The following MBD5 variants were observed in gnomAD, a reference collection of about 807,000 sequenced individuals.
MBD5 encodes methyl-CpG binding domain protein 5.
MBD5 carries 13 observed loss-of-function variants against 117.3 expected under a neutral mutation model. That is an observed-to-expected ratio of 0.11 (90% CI 0.07 to 0.18). The LOEUF (loss-of-function observed/expected upper bound fraction) is 0.18. MBD5 is among the 10% of genes least tolerant of loss of function. The pLI is 1.00. For missense variants in MBD5, 1,879 were observed against 2,093.8 expected (o/e 0.90, Z 2.00); for synonymous variants, 727 against 766.4 (o/e 0.95, Z 0.85).
intron 1 of MBD5, among the ~76,000 whole-genome samples, chr2:148,050,926 A>C (rs758965792): frequency 6.6e-6 from 1 of 152,128 alleles, no homozygotes; most frequent in Non-Finnish European, 1.5e-5. Flanking sequence ...TATGAATTTT[A>C]AAATCAGCTT....
chr2:148,388,954 A>G (rs1001029720), intron 4 of MBD5, among the ~76,000 whole-genome samples: 4 of 151,662 alleles, frequency 2.6e-5, no homozygotes, highest in African/African-American at 9.7e-5. Context: ...ATAGTACCCA[A>G]TAGGTAGTTT....
intron 4 of MBD5, among the ~76,000 whole-genome samples, chr2:148,426,971 C>T (rs1483410863): frequency 6.6e-6 from 1 of 152,006 alleles, no homozygotes; most frequent in Non-Finnish European, 1.5e-5. Flanking sequence ...AACAAACAAC[C>T]CCATCAAAAA....
Position 148,469,599 on chromosome 2 carries a change from G to T in MBD5, c.1656G>T (p.Lys552Asn), listed in dbSNP as rs1484379317. The T allele has an allele frequency of 1.2e-6, 2 of 1,613,778 alleles. No individual in the cohort carries two copies. The highest frequency in any genetic ancestry group is 1.7e-6 in the Non-Finnish European group (2 of 1,179,920). Residue 552 changes from lysine to asparagine, a missense_variant, in exon 8 of 14, where the codon AAG (lysine) becomes AAT (asparagine). Transcript: ENST00000642680. ...CATCTGCCGGAAGTAGTTCTGTAAA[G>T]AGTCAGCCTGGTTTGCTGGGAATGC... ...PTASAGSSSV[K>N]SQPGLLGMPL...
At chr2:148,292,335 C>T (rs1701519326) in intron 3 of MBD5, among the ~76,000 whole-genome samples, 1 of 152,158 alleles carries the variant, frequency 6.6e-6, no homozygotes, top group Non-Finnish European at 1.5e-5. Context: ...GGATTAATAA[C>T]CAGAATATGT....
chr2:148,174,319 A>G (rs543568345), intron 1 of MBD5, among the ~76,000 whole-genome samples: 327 of 152,338 alleles, frequency 2.1e-3, no homozygotes, highest in African/African-American at 7.5e-3. Flanking sequence ...TGGATTAAAG[A>G]CTTAAATGTT....
At chr2:148,475,809 A>T (rs1680945275) in intron 8 of MBD5, among the ~76,000 whole-genome samples, 1 of 152,176 alleles carries the variant, frequency 6.6e-6, no homozygotes, top group Non-Finnish European at 1.5e-5. Context: ...ATGCTAAAAA[A>T]TATTCCTATG....
At chr2:148,511,547 A>G (rs183368361) in intron 13 of MBD5, among the ~76,000 whole-genome samples, 33 of 152,368 alleles carry the variant, frequency 2.2e-4, no homozygotes, top group South Asian at 2.1e-4. Flanking sequence ...TCCATTTTTC[A>G]TATAAAACTA....
chr2:148,049,498 C>T (rs1339683479), intron 1 of MBD5, among the ~76,000 whole-genome samples: 2 of 152,154 alleles, frequency 1.3e-5, no homozygotes, highest in Admixed American at 6.5e-5. Context: ...TTACCTAGTA[C>T]TGTAGTACTT....
chr2:148,308,426 C>T (rs1701946328), intron 3 of MBD5, among the ~76,000 whole-genome samples: 1 of 147,908 alleles, frequency 6.8e-6, no homozygotes, highest in African/African-American at 2.5e-5. Flanking sequence ...TTGTTGACCT[C>T]ATAAATGTCT....
intron 1 of MBD5, among the ~76,000 whole-genome samples, chr2:148,066,271 A>C (rs560438004): frequency 6.6e-6 from 1 of 152,122 alleles, no homozygotes; most frequent in Admixed American, 6.6e-5. Flanking sequence ...ACACCACTAC[A>C]CTCCAAATCC....
At chr2:148,163,088 C>T (rs1454516252) in intron 1 of MBD5, among the ~76,000 whole-genome samples, 2 of 152,204 alleles carry the variant, frequency 1.3e-5, no homozygotes. Context: ...TAAGATAATT[C>T]AGTATACTTT....
chr2:148,126,224 C>T (rs1295215617), intron 1 of MBD5, among the ~76,000 whole-genome samples: 2 of 143,794 alleles, frequency 1.4e-5, no homozygotes, highest in African/African-American at 5.2e-5. Context: ...GGTGAAACCT[C>T]GTTTCTACTA....
intron 1 of MBD5, among the ~76,000 whole-genome samples, chr2:148,105,728 C>A (rs920408050): frequency 6.6e-6 from 1 of 151,326 alleles, no homozygotes; most frequent in African/African-American, 2.4e-5. Flanking sequence ...TCCTTTGTTT[C>A]ATTTTGTTTT....
rs750245317 is a variant in MBD5, at chr2:148,294,509, T to TTTTTTGTTTTTTTTTTTGTTTGTTTG, written c.-679-47700_-679-47699insGTTTTTTTTTTTGTTTGTTTGTTTTT. On this transcript the variant is annotated intron_variant, in intron 3 of 13. Transcript: ENST00000642680. ...AAAGTGCTGGGATTACAGTTTTTTT[T>TTTTTTGTTTTTTTTTTTGTTTGTTTG]TTTTTTTTTTTTGAGATAGAGCTGG... 1.1e-3 allele frequency among the ~76,000 whole-genome samples: 137 copies of TTTTTTGTTTTTTTTTTTGTTTGTTTG among 130,064 alleles called. 3 individuals carry two copies. The highest frequency in any genetic ancestry group is 1.5e-3 in the Non-Finnish European group (90 of 60,750). 85.3% of individuals were successfully genotyped at this position (130,064 alleles called of 152,430 possible).
intron 4 of MBD5, among the ~76,000 whole-genome samples, chr2:148,386,529 T>C (rs977723354): frequency 1.3e-5 from 2 of 151,366 alleles, no homozygotes; most frequent in African/African-American, 2.4e-5. Flanking sequence ...CCATCCCGGC[T>C]AAAACGGTGA....
intron 1 of MBD5, among the ~76,000 whole-genome samples, chr2:148,157,664 A>G (rs1697908010): frequency 6.6e-6 from 1 of 152,236 alleles, no homozygotes; most frequent in Non-Finnish European, 1.5e-5. Flanking sequence ...AAATATTTTT[A>G]AAAGGTAAAG....
intron 1 of MBD5, among the ~76,000 whole-genome samples, chr2:148,082,517 C>A (rs888896001): frequency 6.6e-6 from 1 of 152,156 alleles, no homozygotes; most frequent in Admixed American, 6.5e-5. Context: ...TTGGCATTAG[C>A]ATATTCATTC....
intron 13 of MBD5, among the ~76,000 whole-genome samples, chr2:148,510,832 T>G (rs1437703969): frequency 6.6e-6 from 1 of 152,218 alleles, no homozygotes; most frequent in East Asian, 1.9e-4. Flanking sequence ...ATTTCGCAGA[T>G]GGGTGAATTG....
intron 1 of MBD5, among the ~76,000 whole-genome samples, chr2:148,146,473 G>A (rs2105589134): frequency 6.6e-6 from 1 of 152,184 alleles, no homozygotes; most frequent in East Asian, 1.9e-4. Flanking sequence ...CTGGGCTCAA[G>A]TGACCCACCT....
Sources: gnomAD v4.1 joint callset for allele counts (sites outside exome capture counted in the v4.1 genomes callset) on GRCh38, gnomAD v4.1.1 for gene constraint, MANE v1.5 for transcripts, NCBI Gene and HGNC (gene_info 2026-07-23, HGNC 2026-07-21) for gene names.